Variants in KCNH7 observed in about 807,000 individuals in gnomAD.
KCNH7 encodes the protein voltage-gated inwardly rectifying potassium channel KCNH7.
In KCNH7, 49 loss-of-function variants were observed where a neutral mutation model predicts 120.8. The ratio of observed to expected loss-of-function variants is 0.41; its 90% CI spans 0.32 to 0.51. The LOEUF is 0.51. Ranked by LOEUF, KCNH7 falls within the 20% of genes least tolerant of loss-of-function variation. The pLI, the probability that KCNH7 is intolerant of heterozygous loss-of-function variation, is 0.38. For missense variants in KCNH7, 1,097 were observed against 1,446.6 expected (o/e 0.76, Z 3.92); for synonymous variants, 547 against 516.1 (o/e 1.06, Z -0.81).
intron 2 of KCNH7, among the ~76,000 whole-genome samples, chr2:162,731,219 C>CATAT (rs59151335): frequency 1.6e-4 from 22 of 138,982 alleles, no homozygotes; most frequent in Non-Finnish European, 2.4e-4. Flanking sequence ...TGCATACATA[C>CATAT]ATATATATAT....
chr2:162,554,935 T>C (rs928681644), intron 2 of KCNH7, among the ~76,000 whole-genome samples: 1 of 152,234 alleles, frequency 6.6e-6, no homozygotes, highest in Non-Finnish European at 1.5e-5. Flanking sequence ...TTTATGAGTC[T>C]TTGTAACACT....
At chr2:162,461,536 T>C (rs1480098983) in intron 6 of KCNH7, among the ~76,000 whole-genome samples, 1 of 152,226 alleles carries the variant, frequency 6.6e-6, no homozygotes, top group Non-Finnish European at 1.5e-5. Flanking sequence ...CTAATTATAG[T>C]TATTGAATGA....
intron 6 of KCNH7, among the ~76,000 whole-genome samples, chr2:162,472,543 C>T (rs1365489396): frequency 2.0e-5 from 3 of 152,126 alleles, no homozygotes; most frequent in East Asian, 3.9e-4. Flanking sequence ...AATGAGATAC[C>T]ATCTCACACC....
intron 2 of KCNH7, among the ~76,000 whole-genome samples, chr2:162,564,517 T>G (rs545233105): frequency 7.9e-5 from 12 of 152,254 alleles, no homozygotes; most frequent in Non-Finnish European, 1.8e-4. Context: ...TAAAATTGCT[T>G]ATATAATTGA....
intron 7 of KCNH7, among the ~76,000 whole-genome samples, chr2:162,435,955 T>C (rs1469903108): frequency 1.3e-5 from 2 of 152,132 alleles, no homozygotes; most frequent in African/African-American, 4.8e-5. Flanking sequence ...GATATTATAG[T>C]GTTAAACAAA....
At chr2:162,659,791 A>G (rs1465817352) in intron 2 of KCNH7, among the ~76,000 whole-genome samples, 2 of 152,112 alleles carry the variant, frequency 1.3e-5, no homozygotes, top group African/African-American at 2.4e-5. Flanking sequence ...TAGGGTAATG[A>G]TGGCTTCATA....
chr2:162,634,625 C>T lies in KCNH7; in HGVS notation c.308-97545G>A, dbSNP rs1423808602. On this transcript the variant is annotated intron_variant, in intron 2 of 15. Transcript: ENST00000332142. ...TATGTCACCGATGAGGGGACTGAGA[C>T]CCAGGGCCTTAAGGAATGTCTCCGC... Among the ~76,000 whole-genome samples the T allele has an allele frequency of 3.3e-5, 5 of 152,094 alleles. No homozygotes were observed. The East Asian group carries it at 9.7e-4, about 30-fold the overall frequency.
intron 9 of KCNH7, among the ~76,000 whole-genome samples, chr2:162,402,841 G>C (rs1207305466): frequency 1.3e-5 from 2 of 151,622 alleles, no homozygotes; most frequent in Non-Finnish European, 3.0e-5. Flanking sequence ...ACATACATGT[G>C]TATTCACACA....
At chr2:162,389,393 C>T (rs767478602) in intron 12 of KCNH7, among the ~76,000 whole-genome samples, 12 of 151,924 alleles carry the variant, frequency 7.9e-5, no homozygotes, top group Non-Finnish European at 1.6e-4. Flanking sequence ...CTGACGCAAT[C>T]ATTTTTTCAA....
intron 12 of KCNH7, among the ~76,000 whole-genome samples, chr2:162,394,167 G>C (rs985649650): frequency 6.6e-6 from 1 of 152,020 alleles, no homozygotes; most frequent in Non-Finnish European, 1.5e-5. Context: ...CTTAATCTGC[G>C]ATGTCCTTGT....
At chr2:162,584,457 A>G (rs12467305) in intron 2 of KCNH7, among the ~76,000 whole-genome samples, 6,679 of 152,192 alleles carry the variant, frequency 0.044, 292 homozygotes, top group East Asian at 0.11. Context: ...AATATCTCAA[A>G]CTTGGGAGCC....
intron 9 of KCNH7, among the ~76,000 whole-genome samples, chr2:162,417,453 CA>C (rs1687574574): frequency 6.6e-6 from 1 of 152,144 alleles, no homozygotes; most frequent in African/African-American, 2.4e-5. Flanking sequence ...TTCCACTCTA[CA>C]GTTCTATTCA....
At chr2:162,447,133 G>A (rs1688606688) in intron 6 of KCNH7, among the ~76,000 whole-genome samples, 1 of 152,018 alleles carries the variant, frequency 6.6e-6, no homozygotes, top group Non-Finnish European at 1.5e-5. Flanking sequence ...AATGCTACAA[G>A]GAGATGTTCA....
rs1395655959 is a variant in KCNH7, at chr2:162,448,084, G to A, written c.1129-1641C>T. ...ATGGCAGCTAATTATTAGCAAAAGAGCAATCTGGAAAATAAAGTGATTTTG... is the reference window on the plus strand; with the variant it reads ...ATGGCAGCTAATTATTAGCAAAAGAACAATCTGGAAAATAAAGTGATTTTG... On this transcript the variant is annotated intron_variant, in intron 6 of 15. Transcript: ENST00000332142. Among the ~76,000 whole-genome samples, 11 of 152,144 alleles carry A rather than the reference G, an allele frequency of 7.2e-5. No homozygotes were observed. The East Asian group carries it at 1.9e-3, about 27-fold the overall frequency.
intron 6 of KCNH7, among the ~76,000 whole-genome samples, chr2:162,484,609 C>A (rs904322406): frequency 1.3e-5 from 2 of 152,116 alleles, no homozygotes; most frequent in Non-Finnish European, 2.9e-5. Flanking sequence ...CACTGTACTA[C>A]AGTTTGGATA....
intron 2 of KCNH7, among the ~76,000 whole-genome samples, chr2:162,680,966 T>G (rs1165685168): frequency 1.3e-5 from 2 of 151,782 alleles, no homozygotes; most frequent in South Asian, 4.1e-4. Context: ...TATATTGTTT[T>G]GTATATATAA....
chr2:162,689,652 T>C (rs1686031230), intron 2 of KCNH7, among the ~76,000 whole-genome samples: 1 of 152,202 alleles, frequency 6.6e-6, no homozygotes, highest in Admixed American at 6.5e-5. Flanking sequence ...TTTTATTTAA[T>C]TAATGTTTAA....
At chr2:162,628,687 T>C (rs925302137) in intron 2 of KCNH7, among the ~76,000 whole-genome samples, 4 of 151,858 alleles carry the variant, frequency 2.6e-5, no homozygotes, top group Non-Finnish European at 4.4e-5. Flanking sequence ...CGTAAGAACA[T>C]GCAGTATTTG....
In KCNH7 at chr2:162,536,966, G is replaced by A. The variant is rs1559001013; in HGVS notation, c.422C>T (p.Pro141Leu). 6.2e-7 allele frequency: 1 copy of A among 1,612,790 alleles called. No individual in the cohort carries two copies. Among genetic ancestry groups the A allele is most frequent in the African/African-American group, 1.3e-5 (1 of 74,914 alleles). ...YVTDNENAAT[P>L]ERVNPILPIK... ...TGGTAATATTGGGTTTACCCTCTCTGGGGTGGCAGCGTTTTCATTATCCGT... is the reference window on the plus strand; with the variant it reads ...TGGTAATATTGGGTTTACCCTCTCTAGGGTGGCAGCGTTTTCATTATCCGT... Residue 141 changes from proline (P) to leucine (L), a missense_variant, in exon 3 of 16, where the codon CCA becomes CTA. This residue lies in a region of KCNH7 where 362 missense variants were observed against 372.2 expected (regional missense o/e 0.97). Transcript: ENST00000332142.
Sources: gnomAD v4.1 joint callset for allele counts (sites outside exome capture counted in the v4.1 genomes callset) on GRCh38, gnomAD v4.1.1 for gene constraint, gnomAD v4.1.1 regional missense constraint, MANE v1.5 for transcripts, NCBI Gene and HGNC (gene_info 2026-07-23, HGNC 2026-07-21) for gene names.